PRKN: variants seen among roughly 807,000 people sequenced by gnomAD.
The protein encoded by PRKN is E3 ubiquitin-protein ligase parkin.
Under a neutral mutation model 59.5 loss-of-function variants are expected in PRKN, and 56 were observed. That is an observed-to-expected ratio of 0.94 (90% CI 0.76 to 1.18). The LOEUF (loss-of-function observed/expected upper bound fraction) is 1.18. Among genes scored for constraint, PRKN ranks in the 50% most tolerant of loss-of-function variants. PRKN has a pLI of 0.00. For synonymous variants in PRKN, 250 were observed against 222.1 expected, an observed-to-expected ratio of 1.13 and a Z score of -1.12; for missense variants, 657 against 596.4, an observed-to-expected ratio of 1.10 and a Z score of -1.06.
chr6:161,516,826 C>CAAAAAAAAAAAAA (rs369136348), intron 9 of PRKN, among the ~76,000 whole-genome samples: 18 of 63,156 alleles, frequency 2.9e-4, no homozygotes, highest in Non-Finnish European at 3.3e-4. Context: ...GACTCAATCT[C>CAAAAAAAAAAAAA]AAAAAAAAAA....
chr6:162,220,576 A>G (rs1388841110), intron 3 of PRKN, among the ~76,000 whole-genome samples: 2 of 152,218 alleles, frequency 1.3e-5, no homozygotes, highest in Admixed American at 6.5e-5. Flanking sequence ...CTATGCAGTG[A>G]GCATAACCCA....
intron 2 of PRKN, among the ~76,000 whole-genome samples, chr6:162,416,491 C>T (rs1301408734): frequency 6.6e-6 from 1 of 152,084 alleles, no homozygotes; most frequent in East Asian, 1.9e-4. Context: ...TTTTCATATT[C>T]CTTACAAGTT....
intron 1 of PRKN, among the ~76,000 whole-genome samples, chr6:162,460,997 G>A (rs1791127255): frequency 1.3e-5 from 2 of 152,070 alleles, no homozygotes; most frequent in Admixed American, 1.3e-4. Context: ...AATTGCTGGT[G>A]ACATTAAAAT....
Position 162,675,107 on chromosome 6 carries a change from C to T in PRKN, c.7+52555G>A, listed in dbSNP as rs1254078992. Among the ~76,000 whole-genome samples the T allele has an allele frequency of 6.8e-5, 10 of 148,078 alleles. No homozygotes were observed. The East Asian group carries it at 1.4e-3, about 21-fold the overall frequency. ...CTGTTGCCCGGCTGGAGTGCAGTGG[C>T]GCGATCTTGGCTCACTGCAACCTCT... On this transcript the variant is annotated intron_variant, in intron 1 of 11. Coordinates refer to ENST00000366898, the MANE Select transcript of PRKN (RefSeq NM_004562.3).
intron 7 of PRKN, 91 bp from the exon 8 acceptor site, chr6:161,569,507 T>C (rs1780790034): frequency 2.7e-6 from 3 of 1,107,674 alleles, no homozygotes; most frequent in East Asian, 4.8e-5. Context: ...CAACTGCCAG[T>C]GTTGCCTTTT....
At chr6:162,135,016 A>G (rs1456056666) in intron 4 of PRKN, among the ~76,000 whole-genome samples, 1 of 152,220 alleles carries the variant, frequency 6.6e-6, no homozygotes, top group Non-Finnish European at 1.5e-5. Context: ...ACAACTGGGA[A>G]TAACACAGAG....
intron 7 of PRKN, among the ~76,000 whole-genome samples, chr6:161,610,894 G>A (rs567896367): frequency 1.8e-4 from 27 of 152,284 alleles, no homozygotes; most frequent in Admixed American, 1.5e-3. Context: ...AGGTGTCACC[G>A]AAGAGGTAGA....
chr6:162,439,320 C>T (rs1789937097), intron 2 of PRKN, among the ~76,000 whole-genome samples: 1 of 147,904 alleles, frequency 6.8e-6, no homozygotes. Flanking sequence ...CCTTCCCTTC[C>T]CCCTTCCTTT....
At chr6:162,036,121 G>A (rs1783830944) in intron 5 of PRKN, among the ~76,000 whole-genome samples, 1 of 151,838 alleles carries the variant, frequency 6.6e-6, no homozygotes, top group South Asian at 2.1e-4. Context: ...TCAGGAGATA[G>A]AGACGATCCT....
chr6:162,222,566 T>C (rs988283295), intron 3 of PRKN, among the ~76,000 whole-genome samples: 1 of 152,168 alleles, frequency 6.6e-6, no homozygotes, highest in African/African-American at 2.4e-5. Flanking sequence ...CCAACAATCA[T>C]GTCAGTGTGA....
intron 2 of PRKN, among the ~76,000 whole-genome samples, chr6:162,331,962 G>A (rs762368241): frequency 4.6e-5 from 7 of 152,088 alleles, no homozygotes; most frequent in African/African-American, 9.7e-5. Context: ...TCAGATATTT[G>A]TTCATTCAAT....
chr6:162,624,591 A>C (rs1344760896), intron 1 of PRKN: 3 of 152,218 alleles, frequency 2.0e-5, no homozygotes, highest in Admixed American at 6.5e-5. Flanking sequence ...ATTAACTGTA[A>C]AGGAAAAGGA....
intron 6 of PRKN, among the ~76,000 whole-genome samples, chr6:161,939,557 C>T (rs915718339): frequency 2.0e-5 from 3 of 151,250 alleles, no homozygotes; most frequent in African/African-American, 4.9e-5. Context: ...TATGGTGAAA[C>T]CCCATCTCTA....
At chr6:162,422,317 A>AC (rs1789010526) in intron 2 of PRKN, among the ~76,000 whole-genome samples, 1 of 152,176 alleles carries the variant, frequency 6.6e-6, no homozygotes, top group Admixed American at 6.5e-5. Flanking sequence ...CTGCTAGAAA[A>AC]ATTTACCTGC....
intron 3 of PRKN, among the ~76,000 whole-genome samples, chr6:162,236,798 AAAAG>A (rs1258652556): frequency 3.3e-5 from 5 of 151,614 alleles, no homozygotes; most frequent in African/African-American, 4.9e-5. Flanking sequence ...CCATTTCGAA[AAAAG>A]AAAGAAAGAG....
At chr6:162,330,098 A>G (rs1472308503) in intron 2 of PRKN, among the ~76,000 whole-genome samples, 1 of 152,178 alleles carries the variant, frequency 6.6e-6, no homozygotes, top group Non-Finnish European at 1.5e-5. Context: ...CCTTTCATCT[A>G]TCAATCCAAG....
At chr6:161,917,390 G>C (rs1778608179) in intron 6 of PRKN, among the ~76,000 whole-genome samples, 3 of 152,252 alleles carry the variant, frequency 2.0e-5, no homozygotes, top group Middle Eastern at 3.4e-3. Context: ...ACAGGCATGA[G>C]CCACTGCACC....
Position 161,348,518 on chromosome 6 carries a change from G to A in PRKN, c.*1581C>T, listed in dbSNP as rs991883389. ...CTCCCCGGTGCAGGGCCTCTGAGAC[G>A]ACGGGACTGTCCTCAGATGGTTGGA... is the stretch of plus-strand genomic sequence containing the variant. On this transcript the variant is annotated 3_prime_UTR_variant, in exon 12 of 12. Coordinates refer to ENST00000366898, the MANE Select transcript of PRKN (RefSeq NM_004562.3). The surrounding 1 kb of genome is among the most constrained non-coding windows in gnomAD (Gnocchi z 4.9). The A allele has an allele frequency of 9.5e-6, 2 of 209,828 alleles. No homozygotes were observed. Among genetic ancestry groups the A allele is most frequent in the Non-Finnish European group, 1.9e-5 (2 of 103,374 alleles). 13.0% of individuals were successfully genotyped at this position (209,828 alleles called of 1,614,324 possible). A position where few individuals can be genotyped will look rare whatever the true frequency, so the allele number is the denominator to read the frequency against.
chr6:161,710,113 C>T (rs1786675321), intron 7 of PRKN, among the ~76,000 whole-genome samples: 1 of 117,122 alleles, frequency 8.5e-6, no homozygotes, highest in Admixed American at 1.1e-4. Context: ...GGAATAATTC[C>T]AATTAAAAAA....
Sources: allele counts gnomAD v4.1 joint callset (sites outside exome capture counted in the v4.1 genomes callset), GRCh38; gene constraint gnomAD v4.1.1; non-coding constraint Gnocchi (gnomAD v3.1); transcripts MANE v1.5; gene names NCBI Gene and HGNC (gene_info 2026-07-23, HGNC 2026-07-21).